The following GTF3C1 variants were observed in gnomAD, a reference collection of about 807,000 sequenced individuals.
GTF3C1 encodes general transcription factor IIIC subunit 1, also known as general transcription factor 3C polypeptide 1.
Under a neutral mutation model 226.7 loss-of-function variants are expected in GTF3C1, and 57 were observed. That is an observed-to-expected ratio of 0.25 (90% CI 0.20 to 0.31). The LOEUF (loss-of-function observed/expected upper bound fraction) is 0.31, where lower values mean the gene tolerates loss of function less well. GTF3C1 is among the 10% of genes least tolerant of loss of function. GTF3C1 has a pLI of 1.00. For missense variants in GTF3C1, 2,217 were observed against 2,776.1 expected, an observed-to-expected ratio of 0.80 and a Z score of 4.53; for synonymous variants, 1,090 against 1,084.8, an observed-to-expected ratio of 1.00 and a Z score of -0.09.
chr16:27,544,357 C>T (rs2089133381), intron 2 of GTF3C1, among the ~76,000 whole-genome samples: 1 of 151,616 alleles, frequency 6.6e-6, no homozygotes. Context: ...TGTACTCCAG[C>T]CTGGGCAACA....
At chr16:27,501,873 C>G (rs1218486463) in intron 11 of GTF3C1, among the ~76,000 whole-genome samples, 1 of 152,136 alleles carries the variant, frequency 6.6e-6, no homozygotes, top group Non-Finnish European at 1.5e-5. Flanking sequence ...GAAGCCGAGA[C>G]AGGCAGATCA....
intron 6 of GTF3C1, among the ~76,000 whole-genome samples, chr16:27,512,823 T>C (rs1238303942): frequency 1.3e-5 from 2 of 152,186 alleles, no homozygotes; most frequent in Non-Finnish European, 2.9e-5. Context: ...CGGATGAAGA[T>C]GCTAGGGAAC....
In GTF3C1 at chr16:27,469,601, A is replaced by ACTGCAGCCTCTCCCCTCCCT. The variant is rs747200984; in HGVS notation, c.4815-71_4815-52dup. The ACTGCAGCCTCTCCCCTCCCT allele has an allele frequency of 1.3e-6, 2 of 1,568,624 alleles. No individual in the cohort carries two copies. Among genetic ancestry groups the ACTGCAGCCTCTCCCCTCCCT allele is most frequent in the Admixed American group, 3.4e-5 (2 of 58,434 alleles). On this transcript the variant is annotated intron_variant, in intron 31 of 36. Coordinates refer to ENST00000356183, the MANE Select transcript of GTF3C1 (RefSeq NM_001520.4). The surrounding 1 kb of genome is among the most constrained non-coding windows in gnomAD (Gnocchi z 4.5). The stretch of plus-strand genomic sequence containing the variant: ...CCTGAGCATAGGCCAGCCAGTTGCT[A>ACTGCAGCCTCTCCCCTCCCT]CTGCAGCCTCTCCCCTCCCTCAAGA...
Position 27,461,539 on chromosome 16 carries a change from G to A in GTF3C1, c.6141C>T (p.Ile2047=), listed in dbSNP as rs1362474091. 6.2e-7 allele frequency: 1 copy of A among 1,613,660 alleles called. No homozygotes were observed. Among genetic ancestry groups the A allele is most frequent in the Non-Finnish European group, 8.5e-7 (1 of 1,179,842 alleles). The change falls in exon 37 of 37, where the codon ATC becomes ATT. Residue 2047 remains isoleucine, a synonymous_variant. Transcript: ENST00000356183. The surrounding 1 kb of genome is among the most constrained non-coding windows in gnomAD (Gnocchi z 5.3). ...LLQGLESLGC[I]RKRWLRKPRP... ...TTGGCTTTCTCAGCCAGCGCTTCCG[G>A]ATGCAGCCGAGGGACTCCAGGCCCT...
At chr16:27,489,889 A>C in intron 19 of GTF3C1, 146 bp from the exon 20 acceptor site, 1 of 699,052 alleles carries the variant, frequency 1.4e-6, no homozygotes, top group Non-Finnish European at 2.4e-6. Flanking sequence ...GATTGGTAAG[A>C]CCTCTTCGTA....
intron 9 of GTF3C1, among the ~76,000 whole-genome samples, chr16:27,506,598 C>T (rs556910475): frequency 1.3e-5 from 2 of 152,288 alleles, no homozygotes; most frequent in South Asian, 4.1e-4. Context: ...TTATGAAATT[C>T]CATCCTTTAA....
intron 9 of GTF3C1, 142 bp from the exon 10 acceptor site, chr16:27,506,258 T>C (rs867816503): frequency 3.2e-5 from 19 of 601,548 alleles, no homozygotes; most frequent in Middle Eastern, 4.4e-4. Flanking sequence ...CAGCAGCAGC[T>C]TGGGCCCCTC....
At chr16:27,485,338 G>A (rs1304031990) in intron 24 of GTF3C1, among the ~76,000 whole-genome samples, 6 of 152,250 alleles carry the variant, frequency 3.9e-5, no homozygotes, top group Non-Finnish European at 7.3e-5. Flanking sequence ...GCTTTTTCCT[G>A]GAAGGCAAAT....
At position 27,465,340 on chromosome 16, in the gene GTF3C1, T is replaced by C. The variant is rs1019395168; in HGVS notation, c.5275A>G (p.Lys1759Glu). 6.2e-7 allele frequency: 1 copy of C among 1,614,090 alleles called. No homozygotes were observed. The highest frequency in any genetic ancestry group is 1.1e-5 in the South Asian group (1 of 91,072). The change falls in exon 33 of 37, where the codon AAG (lysine) becomes GAG (glutamate). Residue 1759 changes from lysine (K) to glutamate (E), a missense_variant. Physicochemically the swap from Lys to Glu is moderately conservative, Grantham distance 56 (BLOSUM62 1). Coordinates refer to ENST00000356183, the MANE Select transcript of GTF3C1 (RefSeq NM_001520.4). ...GAGAACCGTCTGCGCAGCTCCTCCTTGTCAATCCCAAAACAACCCGTGGCT... is the reference window on the plus strand; with the variant it reads ...GAGAACCGTCTGCGCAGCTCCTCCTCGTCAATCCCAAAACAACCCGTGGCT... ...IIATGCFGIDKEELRRRFSAL... is the reference protein window; with the variant it reads ...IIATGCFGIDEEELRRRFSAL...
chr16:27,544,112 G>A (rs2089129549), intron 2 of GTF3C1, among the ~76,000 whole-genome samples: 1 of 152,256 alleles, frequency 6.6e-6, no homozygotes, highest in East Asian at 1.9e-4. Flanking sequence ...GGACAGACAG[G>A]GGGCCGTTGC....
intron 26 of GTF3C1, chr16:27,482,421 C>T: frequency 2.2e-6 from 1 of 454,042 alleles, no homozygotes; most frequent in Non-Finnish European, 4.4e-6. Flanking sequence ...GAGCCTCCTC[C>T]CTGACCTCTG....
Position 27,461,615 on chromosome 16 carries a change from G to A in GTF3C1, c.6118-53C>T. 1 of 1,344,112 alleles carries A rather than the reference G, an allele frequency of 7.4e-7. No homozygotes were observed. Among genetic ancestry groups the A allele is most frequent in the Non-Finnish European group, 1.1e-6 (1 of 942,580 alleles). The allele number at this position is 1,344,112 out of a possible 1,614,324, so 83.3% of individuals were successfully genotyped here. Reference sequence around the variant, plus strand: ...GCGGCACTGCCCTCGCCTGCTTGTTGATTTATTCTTCAAGCATTTATGGAA... The same window carrying A: ...GCGGCACTGCCCTCGCCTGCTTGTTAATTTATTCTTCAAGCATTTATGGAA... On this transcript the variant is annotated intron_variant, in intron 36 of 36. Coordinates refer to ENST00000356183, the MANE Select transcript of GTF3C1 (RefSeq NM_001520.4). This position sits in a 1 kb window ranked among gnomAD's most constrained non-coding sequence, Gnocchi z 5.3.
intron 27 of GTF3C1, 25 bp downstream of exon 27, chr16:27,481,054 T>C (rs774366199): frequency 2.5e-6 from 4 of 1,592,152 alleles, no homozygotes; most frequent in East Asian, 4.5e-5. Context: ...GAGGGCCACA[T>C]GGAACCATCC....
intron 19 of GTF3C1, among the ~76,000 whole-genome samples, chr16:27,490,605 G>A (rs977392541): frequency 1.3e-5 from 2 of 152,150 alleles, no homozygotes; most frequent in African/African-American, 2.4e-5. Flanking sequence ...AAGGTCACCC[G>A]TTTGAATGGA....
In GTF3C1 at chr16:27,465,339, T is replaced by G; in HGVS notation, c.5276A>C (p.Lys1759Thr). 6.2e-7 allele frequency: 1 copy of G among 1,614,120 alleles called. No homozygotes were observed. The highest frequency in any genetic ancestry group is 8.5e-7 in the Non-Finnish European group (1 of 1,179,998). ...CGAGAACCGTCTGCGCAGCTCCTCC[T>G]TGTCAATCCCAAAACAACCCGTGGC... ...IIATGCFGID[K>T]EELRRRFSAL... The change falls in exon 33 of 37, where the codon AAG (lysine) becomes ACG (threonine). Residue 1759 changes from lysine (K) to threonine (T), a missense_variant. By Grantham distance (78) the Lys-to-Thr change is moderately conservative. Transcript: ENST00000356183.
At chr16:27,488,518 A>G (rs769959081) in intron 22 of GTF3C1, 36 bp downstream of exon 22, 1 of 1,585,744 alleles carries the variant, frequency 6.3e-7, no homozygotes, top group East Asian at 2.2e-5. Flanking sequence ...AACTGGTACC[A>G]TATTAACTTC....
chr16:27,529,807 G>A (rs1027389140), intron 5 of GTF3C1, among the ~76,000 whole-genome samples: 3 of 152,208 alleles, frequency 2.0e-5, no homozygotes, highest in Non-Finnish European at 4.4e-5. Flanking sequence ...GTTCCAGGGG[G>A]CCACAGCCTT....
At chr16:27,477,610 T>G (rs1192658969) in intron 28 of GTF3C1, among the ~76,000 whole-genome samples, 1 of 152,226 alleles carries the variant, frequency 6.6e-6, no homozygotes, top group African/African-American at 2.4e-5. Context: ...TGGCCCCTTA[T>G]TTTTGTTAAC....
At position 27,469,597 on chromosome 16, in the gene GTF3C1, T is replaced by C; in HGVS notation, c.4815-47A>G. 2 of 1,574,356 alleles carry C rather than the reference T, an allele frequency of 1.3e-6. No homozygotes were observed. Among genetic ancestry groups the C allele is most frequent in the East Asian group, 2.3e-5 (1 of 44,236 alleles). On this transcript the variant is annotated intron_variant, in intron 31 of 36. Transcript: ENST00000356183. The surrounding 1 kb of genome is among the most constrained non-coding windows in gnomAD (Gnocchi z 4.5). ...GATACCTGAGCATAGGCCAGCCAGT[T>C]GCTACTGCAGCCTCTCCCCTCCCTC...
Sources: allele counts gnomAD v4.1 joint callset (sites outside exome capture counted in the v4.1 genomes callset), GRCh38; gene constraint gnomAD v4.1.1; non-coding constraint Gnocchi (gnomAD v3.1); transcripts MANE v1.5; gene names NCBI Gene and HGNC (gene_info 2026-07-23, HGNC 2026-07-21).